Variants in LAMA2 observed in about 807,000 individuals in gnomAD.
LAMA2 encodes the protein laminin subunit alpha-2.
Under a neutral mutation model 364.8 loss-of-function variants are expected in LAMA2, and 269 were observed. The observed-to-expected ratio is 0.74, with a 90% CI of 0.67 to 0.82. The LOEUF (loss-of-function observed/expected upper bound fraction) is 0.82, where lower values mean the gene tolerates loss of function less well. LAMA2 is among the 40% of genes least tolerant of loss of function. The pLI is 0.00. For synonymous variants in LAMA2, 1,379 were observed against 1,370.6 expected (o/e 1.01, Z -0.14); for missense variants, 3,807 against 3,873.2 (o/e 0.98, Z 0.45).
chr6:129,075,106 T>C (rs1773548502), intron 3 of LAMA2, among the ~76,000 whole-genome samples: 1 of 152,174 alleles, frequency 6.6e-6, no homozygotes, highest in South Asian at 2.1e-4. Flanking sequence ...AATAAGATTA[T>C]AGACGGTGAT....
At chr6:128,969,081 C>T (rs1782029443) in intron 1 of LAMA2, among the ~76,000 whole-genome samples, 1 of 152,060 alleles carries the variant, frequency 6.6e-6, no homozygotes, top group African/African-American at 2.4e-5. Flanking sequence ...CTCTTATTTA[C>T]TTATGGGCCC....
At chr6:128,942,199 A>G (rs558307709) in intron 1 of LAMA2, among the ~76,000 whole-genome samples, 38 of 152,174 alleles carry the variant, frequency 2.5e-4, no homozygotes, top group Non-Finnish European at 2.5e-4. Flanking sequence ...TGTTTTTTCC[A>G]TCATCCTGTC....
At chr6:129,467,414 A>G (rs565483630) in intron 51 of LAMA2, among the ~76,000 whole-genome samples, 3 of 151,986 alleles carry the variant, frequency 2.0e-5, no homozygotes, top group Admixed American at 2.0e-4. Context: ...TACAGTGTTC[A>G]CTGTGTGGGT....
intron 15 of LAMA2, among the ~76,000 whole-genome samples, chr6:129,262,493 A>G (rs1264719882): frequency 6.6e-6 from 1 of 152,152 alleles, no homozygotes; most frequent in Non-Finnish European, 1.5e-5. Context: ...AGTGTGAAAA[A>G]AAAAGGAGAG....
chr6:129,036,899 T>C (rs370876783), intron 1 of LAMA2, among the ~76,000 whole-genome samples: 2 of 152,200 alleles, frequency 1.3e-5, no homozygotes, highest in East Asian at 1.9e-4. Flanking sequence ...TCCAGTTCTA[T>C]TAAACCCTTC....
chr6:129,030,869 TA>T (rs1786171431), intron 1 of LAMA2, among the ~76,000 whole-genome samples: 1 of 152,140 alleles, frequency 6.6e-6, no homozygotes, highest in Non-Finnish European at 1.5e-5. Context: ...TCTCTGAAAA[TA>T]AAAAGATTAA....
intron 53 of LAMA2, among the ~76,000 whole-genome samples, chr6:129,476,110 A>T (rs1784055093): frequency 6.6e-6 from 1 of 152,186 alleles, no homozygotes; most frequent in Non-Finnish European, 1.5e-5. Context: ...GGCCTCCATA[A>T]ATGGCTGAAC....
chr6:129,349,220 C>A (rs945318078), intron 30 of LAMA2, 78 bp from the exon 31 acceptor site: 17 of 1,133,874 alleles, frequency 1.5e-5, no homozygotes, highest in Non-Finnish European at 2.3e-5. Flanking sequence ...TCCCAATAAC[C>A]TTGATCATGG....
Position 128,921,545 on chromosome 6 carries a change from A to G in LAMA2, c.112+38188A>G, listed in dbSNP as rs544640571. On this transcript the variant is annotated intron_variant, in intron 1 of 64. Coordinates refer to ENST00000421865, the MANE Select transcript of LAMA2 (RefSeq NM_000426.4). Reference sequence around the variant, plus strand: ...AATACAGGGAGAAAGCTGTGTAAAGATGGAGGCAGAGATGGGAGTGGTGCA... The same window carrying G: ...AATACAGGGAGAAAGCTGTGTAAAGGTGGAGGCAGAGATGGGAGTGGTGCA... 2.0e-5 allele frequency among the ~76,000 whole-genome samples: 3 copies of G among 152,272 alleles called. No homozygotes were observed. The East Asian group carries it at 5.8e-4, about 29-fold the overall frequency.
At chr6:129,271,287 G>A (rs1787915796) in intron 17 of LAMA2, among the ~76,000 whole-genome samples, 1 of 151,768 alleles carries the variant, frequency 6.6e-6, no homozygotes, top group Non-Finnish European at 1.5e-5. Context: ...ACCTCTTAGA[G>A]CAGATTTAAA....
intron 9 of LAMA2, among the ~76,000 whole-genome samples, chr6:129,174,933 A>G (rs577933987): frequency 3.3e-5 from 5 of 152,300 alleles, no homozygotes; most frequent in East Asian, 1.9e-4. Context: ...CTAGTCTACA[A>G]TACTTCCAGA....
intron 4 of LAMA2, among the ~76,000 whole-genome samples, chr6:129,118,319 C>T (rs1199127620): frequency 6.6e-6 from 1 of 152,158 alleles, no homozygotes; most frequent in Non-Finnish European, 1.5e-5. Flanking sequence ...TTCTATCACT[C>T]GTAGTCTCTG....
At chr6:129,176,816 T>G (rs768284007) in intron 9 of LAMA2, among the ~76,000 whole-genome samples, 2 of 152,152 alleles carry the variant, frequency 1.3e-5, no homozygotes, top group Non-Finnish European at 2.9e-5. Context: ...TCATTTTGTT[T>G]ATCTCTTGTG....
intron 22 of LAMA2, among the ~76,000 whole-genome samples, chr6:129,308,050 T>C (rs1036049152): frequency 7.9e-5 from 12 of 152,246 alleles, no homozygotes; most frequent in African/African-American, 2.4e-4. Context: ...TATGCTGACC[T>C]AGAGGAAAAC....
chr6:129,216,302 T>A (rs1783420658), intron 12 of LAMA2, among the ~76,000 whole-genome samples: 1 of 152,212 alleles, frequency 6.6e-6, no homozygotes, highest in African/African-American at 2.4e-5. Flanking sequence ...AACATGCCTT[T>A]CATACATTAG....
chr6:129,205,562 A>G (rs1306475924), intron 12 of LAMA2, among the ~76,000 whole-genome samples: 1 of 151,012 alleles, frequency 6.6e-6, no homozygotes, highest in African/African-American at 2.5e-5. Flanking sequence ...ATGCAAAGTG[A>G]TTCATTCCAG....
chr6:129,339,774 G>T (rs2114561691), intron 29 of LAMA2, among the ~76,000 whole-genome samples: 1 of 152,308 alleles, frequency 6.6e-6, no homozygotes, highest in African/African-American at 2.4e-5. Context: ...GGAGGCCAGG[G>T]CAGGCAGATC....
chr6:128,891,541 G>A (rs1185227779), intron 1 of LAMA2, among the ~76,000 whole-genome samples: 3 of 151,994 alleles, frequency 2.0e-5, no homozygotes. Context: ...TGGTACATAT[G>A]TAAAACACTG....
At chr6:129,383,261 TC>T in intron 35 of LAMA2, 28 bp downstream of exon 35, 1 of 1,517,028 alleles carries the variant, frequency 6.6e-7, no homozygotes. Flanking sequence ...ATTTTAATCA[TC>T]ATTTCTCCCA....
Sources: gnomAD v4.1 joint callset for allele counts (sites outside exome capture counted in the v4.1 genomes callset) on GRCh38, gnomAD v4.1.1 for gene constraint, MANE v1.5 for transcripts, NCBI Gene and HGNC (gene_info 2026-07-23, HGNC 2026-07-21) for gene names.